The following PDE4D variants were observed in gnomAD, a reference collection of about 807,000 sequenced individuals.
PDE4D encodes the protein 3',5'-cyclic-AMP phosphodiesterase 4D.
PDE4D carries 24 observed loss-of-function variants against 87.4 expected under a neutral mutation model. The ratio of observed to expected loss-of-function variants is 0.27; its 90% confidence interval spans 0.20 to 0.39. The LOEUF (loss-of-function observed/expected upper bound fraction) is 0.39. Ranked by LOEUF, PDE4D falls within the 10% of genes least tolerant of loss-of-function variation. The probability of loss-of-function intolerance (pLI) is 1.00; values close to 1 mark genes in which losing one functional copy is unlikely to be tolerated. For missense variants in PDE4D, 714 were observed against 1,041.0 expected (o/e 0.69, Z 4.32); for synonymous variants, 384 against 383.2 (o/e 1.00, Z -0.02).
At chr5:60,107,933 G>T in intron 2 of PDE4D, among the ~76,000 whole-genome samples, 1 of 152,118 alleles carries the variant, frequency 6.6e-6, no homozygotes, top group East Asian at 1.9e-4. Flanking sequence ...GAATCATTCC[G>T]TTTGAAAACT....
intron 1 of PDE4D, among the ~76,000 whole-genome samples, chr5:59,637,858 C>A (rs1200200938): frequency 6.6e-6 from 1 of 152,082 alleles, no homozygotes; most frequent in African/African-American, 2.4e-5. Flanking sequence ...CTGTTGAAAG[C>A]CATAAATATG....
At chr5:59,198,718 C>T (rs979132529) in intron 2 of PDE4D, among the ~76,000 whole-genome samples, 9 of 152,130 alleles carry the variant, frequency 5.9e-5, no homozygotes, top group Non-Finnish European at 1.3e-4. Flanking sequence ...TCAGGAACTT[C>T]TATTCTCTAT....
At chr5:59,401,801 A>G (rs258109) in intron 1 of PDE4D, among the ~76,000 whole-genome samples, 63,929 of 152,054 alleles carry the variant, frequency 0.42, 13,733 homozygotes, top group East Asian at 0.49. Flanking sequence ...TGCTCTGGAG[A>G]GAAAGGTCTG....
intron 1 of PDE4D, among the ~76,000 whole-genome samples, chr5:59,514,079 A>G (rs914154142): frequency 2.6e-5 from 4 of 152,062 alleles, no homozygotes; most frequent in Non-Finnish European, 5.9e-5. Context: ...CCATTAAGTG[A>G]CAAAGCCAAG....
intron 2 of PDE4D, among the ~76,000 whole-genome samples, chr5:60,122,562 G>A (rs1257073531): frequency 6.6e-6 from 1 of 152,202 alleles, no homozygotes; most frequent in Non-Finnish European, 1.5e-5. Flanking sequence ...AGTCACAGCT[G>A]GAGTGGCTGG....
At chr5:59,866,373 G>A (rs1747042103) in intron 1 of PDE4D, among the ~76,000 whole-genome samples, 1 of 152,128 alleles carries the variant, frequency 6.6e-6, no homozygotes, top group Non-Finnish European at 1.5e-5. Context: ...CCATCACTGA[G>A]AATAAGTGCT....
intron 1 of PDE4D, among the ~76,000 whole-genome samples, chr5:59,293,514 C>T (rs540308095): frequency 2.6e-5 from 4 of 152,178 alleles, no homozygotes; most frequent in Non-Finnish European, 4.4e-5. Flanking sequence ...TTTAAAACTC[C>T]GATTCCCATT....
intron 1 of PDE4D, among the ~76,000 whole-genome samples, chr5:60,380,714 G>A (rs937241107): frequency 6.6e-6 from 1 of 152,208 alleles, no homozygotes; most frequent in African/African-American, 2.4e-5. Flanking sequence ...CCTTGAAGGT[G>A]AACACAATAA....
chr5:60,185,584 G>T, exon 2 of PDE4D: 1 of 1,530,506 alleles, frequency 6.5e-7, no homozygotes, highest in Non-Finnish European at 8.8e-7. Flanking sequence ...GCAAATCACA[G>T]GTATTTCTTT....
At chr5:60,198,826 T>G (rs547320161) in intron 1 of PDE4D, among the ~76,000 whole-genome samples, 1 of 151,704 alleles carries the variant, frequency 6.6e-6, no homozygotes, top group South Asian at 2.1e-4. Context: ...CATCTTAGAG[T>G]AAGCAAGCAT....
chr5:60,396,538 C>T (rs1762894943), intron 1 of PDE4D, among the ~76,000 whole-genome samples: 1 of 152,072 alleles, frequency 6.6e-6, no homozygotes, highest in Non-Finnish European at 1.5e-5. Flanking sequence ...TTTTTAGAGA[C>T]AGGGTCTTGC....
chr5:60,439,114 A>G (rs1744995821), intron 1 of PDE4D, among the ~76,000 whole-genome samples: 1 of 152,034 alleles, frequency 6.6e-6, no homozygotes, highest in Non-Finnish European at 1.5e-5. Context: ...CCGATACAAT[A>G]TTTCACCTCT....
chr5:60,178,884 C>G (rs1023805595), intron 2 of PDE4D, among the ~76,000 whole-genome samples: 3 of 152,076 alleles, frequency 2.0e-5, no homozygotes, highest in African/African-American at 7.2e-5. Context: ...CTCTGAACTG[C>G]TGGGGTACCA....
chr5:59,199,044 G>A (rs148865324), intron 2 of PDE4D, among the ~76,000 whole-genome samples: 139 of 152,172 alleles, frequency 9.1e-4, no homozygotes, highest in African/African-American at 3.1e-3. Context: ...TTACTATTAC[G>A]AAATCATAAG....
intron 2 of PDE4D, among the ~76,000 whole-genome samples, chr5:60,036,316 C>A (rs1418752545): frequency 1.3e-5 from 2 of 152,084 alleles, no homozygotes; most frequent in Non-Finnish European, 2.9e-5. Context: ...GTGTAAGGAC[C>A]CACCAATCCA....
At chr5:59,526,548 TG>T (rs1813170232) in intron 1 of PDE4D, among the ~76,000 whole-genome samples, 1 of 152,228 alleles carries the variant, frequency 6.6e-6, no homozygotes, top group Non-Finnish European at 1.5e-5. Flanking sequence ...GAGGTTGACA[TG>T]TCTTGTTACC....
chr5:59,320,332 C>A (rs1223603727), intron 1 of PDE4D, among the ~76,000 whole-genome samples: 1 of 152,036 alleles, frequency 6.6e-6, no homozygotes, highest in South Asian at 2.1e-4. Flanking sequence ...AGTCTGGAAA[C>A]ACAGGCTATA....
rs1427160002 is a variant in PDE4D at position 60,201,051 on chromosome 5, T to A, written c.-89-15364A>T. 2.7e-5 allele frequency among the ~76,000 whole-genome samples: 4 copies of A among 146,984 alleles called. No individual in the cohort carries two copies. In the East Asian group the frequency reaches 7.7e-4, roughly 28 times the overall value. On this transcript the variant is annotated intron_variant, in intron 1 of 16. Coordinates refer to the PDE4D transcript ENST00000502484. ...ATTAAAGCCGGGAGCAGCAGAAAAA[T>A]ACCCACTACCACCACCCTCAGTTGC...
intron 2 of PDE4D, among the ~76,000 whole-genome samples, chr5:60,024,343 G>A (rs558621834): frequency 1.3e-5 from 2 of 152,288 alleles, no homozygotes; most frequent in African/African-American, 4.8e-5. Flanking sequence ...ACTATGCTTA[G>A]TTGCATTTCT....
Sources: allele counts gnomAD v4.1 joint callset (sites outside exome capture counted in the v4.1 genomes callset), GRCh38; gene constraint gnomAD v4.1.1; transcripts MANE v1.5; gene names NCBI Gene and HGNC (gene_info 2026-07-23, HGNC 2026-07-21).